The following NINJ2 variants were observed in gnomAD, a reference collection of about 807,000 sequenced individuals.
The protein encoded by NINJ2 is ninjurin-2.
Under a neutral mutation model 11.7 loss-of-function variants are expected in NINJ2, and 12 were observed. The ratio of observed to expected loss-of-function variants is 1.02; its 90% CI spans 0.66 to 1.66. NINJ2 has a LOEUF of 1.66. Among genes scored for constraint, NINJ2 ranks in the 40% most tolerant of loss-of-function variants. The pLI, the probability that NINJ2 is intolerant of heterozygous loss-of-function variation, is 0.00. For synonymous variants in NINJ2, 93 were observed against 76.8 expected (o/e 1.21, Z -1.10); for missense variants, 187 against 181.8 (o/e 1.03, Z -0.16).
At chr12:568,628 G>C (rs1255645079) in intron 1 of NINJ2, among the ~76,000 whole-genome samples, 1 of 152,156 alleles carries the variant, frequency 6.6e-6, no homozygotes, top group Middle Eastern at 3.2e-3. Flanking sequence ...CTTTCACTCT[G>C]ACCACACTCC....
intron 1 of NINJ2, among the ~76,000 whole-genome samples, chr12:595,268 G>A (rs1262076632): frequency 6.6e-6 from 1 of 152,194 alleles, no homozygotes; most frequent in Non-Finnish European, 1.5e-5. Context: ...AAATCTAGAT[G>A]ATGTAACGTA....
intron 1 of NINJ2, among the ~76,000 whole-genome samples, chr12:568,408 C>A (rs1178939813): frequency 6.6e-6 from 1 of 152,172 alleles, no homozygotes; most frequent in African/African-American, 2.4e-5. Flanking sequence ...CTCCACCCTG[C>A]TCTTCTCACT....
chr12:642,179 C>T (rs1948426780), intron 1 of NINJ2, among the ~76,000 whole-genome samples: 1 of 152,166 alleles, frequency 6.6e-6, no homozygotes. Context: ...CACAGTGGCC[C>T]TAAAAAATCA....
chr12:654,656 G>A (rs1937845776), intron 1 of NINJ2, among the ~76,000 whole-genome samples: 1 of 152,080 alleles, frequency 6.6e-6, no homozygotes, highest in Non-Finnish European at 1.5e-5. Context: ...CACTTTGGGA[G>A]GCCGAGGTGG....
At chr12:569,977 G>T (rs12307267) in intron 1 of NINJ2, among the ~76,000 whole-genome samples, 12,457 of 152,230 alleles carry the variant, frequency 0.082, 1,162 homozygotes, top group African/African-American at 0.2. Context: ...GGCTGCCGGG[G>T]GGCGTTTCCA....
chr12:596,267 A>C (rs1336879941), intron 1 of NINJ2, among the ~76,000 whole-genome samples: 5 of 152,184 alleles, frequency 3.3e-5, no homozygotes, highest in Non-Finnish European at 7.3e-5. Flanking sequence ...AAATGAAAAT[A>C]CTCTGTATGA....
rs1948071484 is a variant in NINJ2 at position 614,699 on chromosome 12, C to A, written c.34-48521G>T. Among the ~76,000 whole-genome samples, 1 of 151,714 alleles carries A rather than the reference C, an allele frequency of 6.6e-6. No individual in the cohort carries two copies. Among genetic ancestry groups the A allele is most frequent in the African/African-American group, 2.4e-5 (1 of 41,318 alleles). ...CTTAGTTAGCTCATTTTTTTTTCCT[C>A]CAAAGAAGGGAACAAAGGCTTGACA... On this transcript the variant is annotated intron_variant, in intron 1 of 3. Transcript: ENST00000305108. This position sits in a 1 kb window ranked among gnomAD's most constrained non-coding sequence, Gnocchi z 5.1.
At chr12:588,123 A>G (rs1947665943) in intron 1 of NINJ2, among the ~76,000 whole-genome samples, 1 of 150,554 alleles carries the variant, frequency 6.6e-6, no homozygotes, top group South Asian at 2.1e-4. Context: ...TGAAAAGCCA[A>G]ATCAATTTAC....
chr12:663,061 G>C (rs1458716465), intron 1 of NINJ2, among the ~76,000 whole-genome samples: 1 of 152,182 alleles, frequency 6.6e-6, no homozygotes, highest in Non-Finnish European at 1.5e-5. Flanking sequence ...GATCTAATTA[G>C]CTCTTTGACT....
rs147274645 is a variant in NINJ2, at chr12:593,048, A to G, written c.34-26870T>C. On this transcript the variant is annotated intron_variant, in intron 1 of 3. Coordinates refer to ENST00000305108, the MANE Select transcript of NINJ2 (RefSeq NM_016533.6). ...AATCAAGAAAAAAACAGGGAAAAAA[A>G]ATGAACAGACAAAAGTAGAGTGGAT... Among the ~76,000 whole-genome samples the G allele has an allele frequency of 7.9e-5, 12 of 152,292 alleles. No individual in the cohort carries two copies. In the East Asian group the frequency reaches 2.3e-3, roughly 29 times the overall value.
chr12:660,465 T>C (rs538018729), intron 1 of NINJ2, among the ~76,000 whole-genome samples: 13 of 151,162 alleles, frequency 8.6e-5, no homozygotes, highest in Non-Finnish European at 1.5e-4. Context: ...CTCAGCCTCC[T>C]GAGTAGCTGG....
chr12:663,413 T>C lies in NINJ2; in HGVS notation c.-53A>G. 6.2e-7 allele frequency: 1 copy of C among 1,614,136 alleles called. No individual in the cohort carries two copies. The highest frequency in any genetic ancestry group is 1.1e-5 in the South Asian group (1 of 91,072). On this transcript the variant is annotated 5_prime_UTR_variant, in exon 1 of 4. Coordinates refer to ENST00000305108, the MANE Select transcript of NINJ2 (RefSeq NM_016533.6). ...CACCGGGTGCCGGGAACAGACTGCGTGGGCTCCTCCAGGCTCCGCCGTCTG... is the reference window on the plus strand; with the variant it reads ...CACCGGGTGCCGGGAACAGACTGCGCGGGCTCCTCCAGGCTCCGCCGTCTG...
At chr12:627,256 A>G (rs1326219349) in intron 1 of NINJ2, among the ~76,000 whole-genome samples, 1 of 152,188 alleles carries the variant, frequency 6.6e-6, no homozygotes, top group Non-Finnish European at 1.5e-5. Context: ...AATTTTTATC[A>G]TCCTTTTAGA....
At chr12:644,807 G>A (rs965113544) in intron 1 of NINJ2, 1 of 152,154 alleles carries the variant, frequency 6.6e-6, no homozygotes, top group African/African-American at 2.4e-5. Flanking sequence ...AAGCGATACG[G>A]GTATATTTTA....
intron 1 of NINJ2, among the ~76,000 whole-genome samples, chr12:650,113 C>G (rs1937764580): frequency 6.8e-6 from 1 of 147,734 alleles, no homozygotes. Context: ...GGGATAGAGT[C>G]TCACTTTGTT....
chr12:630,906 G>C (rs1360198707), intron 1 of NINJ2: 1 of 152,322 alleles, frequency 6.6e-6, no homozygotes, highest in Non-Finnish European at 1.5e-5. Context: ...CAAGCCTGAC[G>C]TTCTAGGGGG....
chr12:593,893 C>A (rs1468278723), intron 1 of NINJ2, among the ~76,000 whole-genome samples: 1 of 152,124 alleles, frequency 6.6e-6, no homozygotes, highest in Non-Finnish European at 1.5e-5. Context: ...AAATAAATTA[C>A]AAATAGCTTA....
intron 1 of NINJ2, among the ~76,000 whole-genome samples, chr12:604,365 C>CAT (rs1256654570): frequency 0.045 from 6,808 of 152,110 alleles, 474 homozygotes; most frequent in African/African-American, 0.15. Flanking sequence ...TGGCCGGGTG[C>CAT]GGTGGCTCAC....
intron 1 of NINJ2, among the ~76,000 whole-genome samples, chr12:584,675 G>A (rs931890388): frequency 1.3e-5 from 2 of 151,914 alleles, no homozygotes; most frequent in Admixed American, 6.6e-5. Context: ...GTGTGGTGGC[G>A]GGTGCCTGTA....
Sources: allele counts gnomAD v4.1 joint callset (sites outside exome capture counted in the v4.1 genomes callset), GRCh38; gene constraint gnomAD v4.1.1; non-coding constraint Gnocchi (gnomAD v3.1); transcripts MANE v1.5; gene names NCBI Gene and HGNC (gene_info 2026-07-23, HGNC 2026-07-21).